Variants in PHF21A observed in about 807,000 individuals in gnomAD.
PHF21A encodes PHD finger protein 21A.
PHF21A carries 11 observed loss-of-function variants against 82.5 expected under a neutral mutation model. The ratio of observed to expected loss-of-function variants is 0.13; its 90% CI spans 0.08 to 0.22. PHF21A has a LOEUF of 0.22. PHF21A is among the 10% of genes least tolerant of loss of function. The probability of loss-of-function intolerance (pLI) is 1.00; values close to 1 mark genes in which losing one functional copy is unlikely to be tolerated. For synonymous variants in PHF21A, 297 were observed against 302.8 expected, an observed-to-expected ratio of 0.98 and a Z score of 0.20; for missense variants, 579 against 837.8, an observed-to-expected ratio of 0.69 and a Z score of 3.81.
At chr11:45,955,587 C>G (rs1172483300) in intron 10 of PHF21A, among the ~76,000 whole-genome samples, 7 of 152,178 alleles carry the variant, frequency 4.6e-5, no homozygotes, top group Non-Finnish European at 8.8e-5. Flanking sequence ...AAGGGCAAAT[C>G]AATTCCTTTC....
intron 15 of PHF21A, among the ~76,000 whole-genome samples, chr11:45,940,218 G>C (rs1404395783): frequency 6.6e-6 from 1 of 151,154 alleles, no homozygotes; most frequent in African/African-American, 2.4e-5. Flanking sequence ...TTTTTAGACG[G>C]AGTCTCTTGC....
chr11:45,972,312 T>C (rs2093807363), intron 7 of PHF21A, among the ~76,000 whole-genome samples: 1 of 152,122 alleles, frequency 6.6e-6, no homozygotes, highest in Non-Finnish European at 1.5e-5. Flanking sequence ...CAAAAAAATA[T>C]AAACAAACTC....
intron 1 of PHF21A, among the ~76,000 whole-genome samples, chr11:46,105,959 T>C (rs1217479012): frequency 6.6e-6 from 1 of 152,190 alleles, no homozygotes; most frequent in African/African-American, 2.4e-5. Flanking sequence ...TACACAAATA[T>C]AAGTATTAGG....
In PHF21A at chr11:46,052,036, T is replaced by C. The variant is rs530264909; in HGVS notation, c.153+24718A>G. 5.9e-4 allele frequency among the ~76,000 whole-genome samples: 90 copies of C among 152,246 alleles called. 1 individual carries two copies. The South Asian group carries it at 0.018, about 30-fold the overall frequency. The stretch of plus-strand genomic sequence containing the variant: ...TGAAAACAGTCAAAGGAATAGTCAA[T>C]AGTCAAGGTTGAGATGATCCAGGAG... On this transcript the variant is annotated intron_variant, in intron 6 of 18. Coordinates refer to ENST00000676320, the MANE Select transcript of PHF21A (RefSeq NM_001352027.3).
intron 6 of PHF21A, among the ~76,000 whole-genome samples, chr11:46,048,024 G>C (rs2096282026): frequency 6.6e-6 from 1 of 152,152 alleles, no homozygotes; most frequent in African/African-American, 2.4e-5. Context: ...TCATCCATCT[G>C]AAGTGTAGAA....
intron 6 of PHF21A, among the ~76,000 whole-genome samples, chr11:45,982,453 C>A (rs2094339067): frequency 6.6e-6 from 1 of 151,896 alleles, no homozygotes. Flanking sequence ...AATAAAAATG[C>A]AAATTAATAA....
chr11:45,981,723 A>G (rs965458850), intron 6 of PHF21A, among the ~76,000 whole-genome samples: 6 of 152,306 alleles, frequency 3.9e-5, no homozygotes, highest in South Asian at 2.1e-4. Flanking sequence ...AGATGAAACC[A>G]TAAGAGCCAG....
chr11:46,021,824 T>C (rs2095638108), intron 6 of PHF21A, among the ~76,000 whole-genome samples: 1 of 152,134 alleles, frequency 6.6e-6, no homozygotes, highest in African/African-American at 2.4e-5. Context: ...GTGCTGAGAT[T>C]ATTATAGGCA....
chr11:46,110,244 C>T (rs1204915139), intron 1 of PHF21A, among the ~76,000 whole-genome samples: 1 of 152,074 alleles, frequency 6.6e-6, no homozygotes, highest in East Asian at 1.9e-4. Flanking sequence ...CCCCATTTTA[C>T]CACTGGGTAA....
chr11:45,995,101 T>C (rs2094858889), intron 6 of PHF21A, among the ~76,000 whole-genome samples: 1 of 152,186 alleles, frequency 6.6e-6, no homozygotes, highest in South Asian at 2.1e-4. Flanking sequence ...GAGACAATTA[T>C]TTCCATCCCC....
intron 6 of PHF21A, among the ~76,000 whole-genome samples, chr11:46,012,111 A>G (rs2095425721): frequency 1.3e-5 from 2 of 152,206 alleles, no homozygotes; most frequent in African/African-American, 4.8e-5. Flanking sequence ...ACTACCGGAA[A>G]GAATCCTTCA....
At chr11:45,983,845 A>G (rs2094395914) in intron 6 of PHF21A, among the ~76,000 whole-genome samples, 1 of 152,108 alleles carries the variant, frequency 6.6e-6, no homozygotes, top group Admixed American at 6.6e-5. Context: ...CAAAAACCCT[A>G]GCTGTGTGGT....
intron 10 of PHF21A, among the ~76,000 whole-genome samples, chr11:45,954,443 A>T (rs77896334): frequency 1.3e-5 from 2 of 152,246 alleles, no homozygotes; most frequent in Non-Finnish European, 2.9e-5. Flanking sequence ...CCTTACATGG[A>T]ATATTAAAAA....
intron 1 of PHF21A, among the ~76,000 whole-genome samples, chr11:46,103,534 AG>A (rs2097122617): frequency 6.6e-6 from 1 of 152,238 alleles, no homozygotes; most frequent in Admixed American, 6.5e-5. Flanking sequence ...ACAATGTTTT[AG>A]GAACAGGGAC....
chr11:46,074,397 T>C (rs1164153053), intron 6 of PHF21A, among the ~76,000 whole-genome samples: 2 of 151,326 alleles, frequency 1.3e-5, no homozygotes, highest in African/African-American at 4.9e-5. Context: ...ATTCAGATTT[T>C]AGTTATTAAA....
intron 6 of PHF21A, among the ~76,000 whole-genome samples, chr11:45,997,170 T>C (rs1034602566): frequency 3.3e-5 from 5 of 152,250 alleles, no homozygotes; most frequent in South Asian, 2.1e-4. Flanking sequence ...ATCTAGGAAT[T>C]CTACTACACT....
chr11:46,014,056 T>C (rs1031920147), intron 6 of PHF21A, among the ~76,000 whole-genome samples: 6 of 152,188 alleles, frequency 3.9e-5, no homozygotes, highest in Admixed American at 3.3e-4. Context: ...TGCAGGTTTC[T>C]TATAACAGCA....
intron 6 of PHF21A, among the ~76,000 whole-genome samples, chr11:46,061,368 G>A (rs1303997868): frequency 6.6e-6 from 1 of 152,106 alleles, no homozygotes; most frequent in Non-Finnish European, 1.5e-5. Context: ...CGTTTAATAG[G>A]AATAGCATTG....
At chr11:45,984,023 T>TCA (rs2094406106) in intron 6 of PHF21A, among the ~76,000 whole-genome samples, 1 of 152,204 alleles carries the variant, frequency 6.6e-6, no homozygotes, top group Admixed American at 6.5e-5. Context: ...TCAAAGGTAT[T>TCA]CACATATAAT....
Sources: allele counts gnomAD v4.1 joint callset (sites outside exome capture counted in the v4.1 genomes callset), GRCh38; gene constraint gnomAD v4.1.1; transcripts MANE v1.5; gene names NCBI Gene and HGNC (gene_info 2026-07-23, HGNC 2026-07-21).